Variants in C10orf90 observed in about 807,000 individuals in gnomAD.
C10orf90 encodes (E2-independent) E3 ubiquitin-conjugating enzyme FATS.
C10orf90 carries 56 observed loss-of-function variants against 62.5 expected under a neutral mutation model. The ratio of observed to expected loss-of-function variants is 0.90; its 90% CI spans 0.72 to 1.12. The LOEUF is 1.12. C10orf90 is among the 50% of genes most tolerant of loss of function. The pLI, the probability that C10orf90 is intolerant of heterozygous loss-of-function variation, is 0.00. For missense variants in C10orf90, 970 were observed against 880.4 expected, an observed-to-expected ratio of 1.10 and a Z score of -1.29; for synonymous variants, 386 against 340.4, an observed-to-expected ratio of 1.13 and a Z score of -1.47.
At position 126,524,736 on chromosome 10, in the gene C10orf90, T is replaced by C. The variant is rs140312214; in HGVS notation, c.314-10797A>G. 1.3e-3 allele frequency: 1,254 copies of C among 985,508 alleles called. 8 individuals carry two copies. The African/African-American group carries it at 0.02, about 16-fold the overall frequency. The allele number at this position is 985,508 out of a possible 1,614,324, so 61.0% of individuals were successfully genotyped here. ...CCGCGAGGCAAGGAGTGCACGCACC[T>C]GTATGGCCCCTAGGGTGCCATCTAG... On this transcript the variant is annotated intron_variant, in intron 2 of 9. Transcript: ENST00000488181.
In C10orf90 at chr10:126,553,121, G is replaced by C. The variant is rs190682642; in HGVS notation, c.314-39182C>G. Among the ~76,000 whole-genome samples the C allele has an allele frequency of 6.8e-3, 1,035 of 151,920 alleles. 10 individuals are homozygous for C. Among genetic ancestry groups the C allele is most frequent in the African/African-American group, 0.024 (1,005 of 41,414 alleles). Reference sequence around the variant, plus strand: ...TCTTGGCACAAAGATTTCTTTAAAAGGATACAGAAAAGCTCTGATTTTAAG... The same window carrying C: ...TCTTGGCACAAAGATTTCTTTAAAACGATACAGAAAAGCTCTGATTTTAAG... On this transcript the variant is annotated intron_variant, in intron 2 of 9. Transcript: ENST00000488181.
Position 126,449,537 on chromosome 10 carries a change from GGCAATTA to G in C10orf90, c.2188+9496_2188+9502del, listed in dbSNP as rs1447941627. Among the ~76,000 whole-genome samples, 2 of 151,982 alleles carry G rather than the reference GGCAATTA, an allele frequency of 1.3e-5. 1 individual carries two copies. The highest frequency in any genetic ancestry group is 2.9e-5 in the Non-Finnish European group (2 of 68,028). On this transcript the variant is annotated intron_variant, in intron 7 of 9. Transcript: ENST00000488181. Reference sequence around the variant, plus strand: ...ACATAGTAGTGGAAGTCCTAGCTATGGCAATTATTTAAGAAAAAAAATAAAAGCATTC... The same window carrying G: ...ACATAGTAGTGGAAGTCCTAGCTATGTTTAAGAAAAAAAATAAAAGCATTC...
In C10orf90 at chr10:126,623,939, T is replaced by A. The variant is rs534416990; in HGVS notation, c.313+22626A>T. Among the ~76,000 whole-genome samples, 10 of 151,526 alleles carry A rather than the reference T, an allele frequency of 6.6e-5. 1 individual carries two copies. In the South Asian group the frequency reaches 2.1e-3, roughly 32 times the overall value. ...GAAACCCTTAGCTTCTAGAACAGAG[T>A]GAATATTTAATAAATATTTGTGGAA... On this transcript the variant is annotated intron_variant, in intron 2 of 9. Coordinates refer to ENST00000488181, the MANE Select transcript of C10orf90 (RefSeq NM_001350921.2).
At chr10:126,447,992 C>T (rs564562827) in intron 7 of C10orf90, among the ~76,000 whole-genome samples, 49 of 146,658 alleles carry the variant, frequency 3.3e-4, no homozygotes, top group African/African-American at 1.2e-3. Context: ...GCTGGGACTA[C>T]AGGAGCCTGC....
intron 4 of C10orf90, among the ~76,000 whole-genome samples, chr10:126,501,710 A>G (rs1336456790): frequency 1.3e-5 from 2 of 152,114 alleles, no homozygotes; most frequent in Non-Finnish European, 2.9e-5. Flanking sequence ...TGGTCTATAT[A>G]TACACCATGG....
chr10:126,432,729 T>C (rs1392826125), intron 7 of C10orf90, among the ~76,000 whole-genome samples: 1 of 152,140 alleles, frequency 6.6e-6, no homozygotes, highest in Non-Finnish European at 1.5e-5. Flanking sequence ...TTACTTTGGT[T>C]CTCCACCCAG....
intron 2 of C10orf90, among the ~76,000 whole-genome samples, chr10:126,540,010 G>A (rs1427748948): frequency 3.3e-5 from 5 of 152,200 alleles, no homozygotes; most frequent in Non-Finnish European, 7.3e-5. Context: ...ACTACTAGGA[G>A]TGTTGAATAG....
At chr10:126,651,101 G>C (rs1362913420) in intron 1 of C10orf90, among the ~76,000 whole-genome samples, 2 of 152,196 alleles carry the variant, frequency 1.3e-5, no homozygotes, top group East Asian at 3.9e-4. Context: ...AAGACTAAAT[G>C]CTTTACAAAG....
At chr10:126,529,516 G>A (rs187509799) in intron 2 of C10orf90, among the ~76,000 whole-genome samples, 13 of 152,124 alleles carry the variant, frequency 8.5e-5, no homozygotes, top group Admixed American at 2.0e-4. Flanking sequence ...AAAACCCCCC[G>A]TAAATTAATT....
At chr10:126,442,537 G>A (rs1333339688) in intron 7 of C10orf90, among the ~76,000 whole-genome samples, 1 of 93,140 alleles carries the variant, frequency 1.1e-5, no homozygotes, top group Non-Finnish European at 2.0e-5. Context: ...CCAAGGTATA[G>A]TTTAAATCCA....
chr10:126,632,911 C>T (rs900186292), intron 2 of C10orf90, among the ~76,000 whole-genome samples: 4 of 152,202 alleles, frequency 2.6e-5, no homozygotes, highest in African/African-American at 9.7e-5. Flanking sequence ...GAGAGCAGAA[C>T]ACCAAAACTG....
intron 2 of C10orf90, among the ~76,000 whole-genome samples, chr10:126,628,998 T>C (rs1845801945): frequency 6.6e-6 from 1 of 152,232 alleles, no homozygotes. Context: ...TGCATGGTGC[T>C]TCTGTAAGAA....
chr10:126,587,339 C>G (rs1179841169), intron 2 of C10orf90, among the ~76,000 whole-genome samples: 4 of 152,162 alleles, frequency 2.6e-5, no homozygotes, highest in Non-Finnish European at 2.9e-5. Context: ...TTGCCTTTAC[C>G]AAGAGAAATT....
intron 5 of C10orf90, among the ~76,000 whole-genome samples, chr10:126,464,261 T>C (rs1860157496): frequency 6.6e-6 from 1 of 152,196 alleles, no homozygotes; most frequent in Non-Finnish European, 1.5e-5. Flanking sequence ...CAGTGTCTCA[T>C]GCTTGTTAAG....
chr10:126,475,228 T>C (rs1234050883), intron 4 of C10orf90, among the ~76,000 whole-genome samples: 2 of 152,096 alleles, frequency 1.3e-5, no homozygotes, highest in Non-Finnish European at 2.9e-5. Context: ...CCACAAAACA[T>C]CTTGAATGAG....
intron 2 of C10orf90, among the ~76,000 whole-genome samples, chr10:126,576,954 T>C (rs1844640009): frequency 6.6e-6 from 1 of 151,298 alleles, no homozygotes; most frequent in Non-Finnish European, 1.5e-5. Context: ...AAAAGTTGAT[T>C]TCATAGGAGT....
intron 2 of C10orf90, among the ~76,000 whole-genome samples, chr10:126,530,380 G>T (rs1035913481): frequency 2.0e-5 from 3 of 151,474 alleles, no homozygotes; most frequent in Non-Finnish European, 2.9e-5. Context: ...AATTTCTATT[G>T]TCAGGAATAA....
chr10:126,595,674 A>C (rs894306826), intron 2 of C10orf90, among the ~76,000 whole-genome samples: 5 of 152,062 alleles, frequency 3.3e-5, no homozygotes, highest in African/African-American at 1.2e-4. Flanking sequence ...CCATCTTATA[A>C]CTCAGAGACT....
At chr10:126,599,864 G>A (rs755953729) in intron 2 of C10orf90, among the ~76,000 whole-genome samples, 12 of 152,312 alleles carry the variant, frequency 7.9e-5, no homozygotes, top group South Asian at 4.1e-4. Flanking sequence ...GCACTGGTGC[G>A]TTTTCACTTC....
Sources: allele counts gnomAD v4.1 joint callset (sites outside exome capture counted in the v4.1 genomes callset), GRCh38; gene constraint gnomAD v4.1.1; transcripts MANE v1.5; gene names NCBI Gene and HGNC (gene_info 2026-07-23, HGNC 2026-07-21).